Variants in RIC1 observed in about 807,000 individuals in gnomAD.
RIC1 encodes the protein guanine nucleotide exchange factor subunit RIC1.
In RIC1, 88 loss-of-function variants were observed where a neutral mutation model predicts 169.0. The observed-to-expected ratio is 0.52, with a 90% CI of 0.44 to 0.62. The LOEUF (loss-of-function observed/expected upper bound fraction) is 0.62. Ranked by LOEUF, RIC1 falls within the 20% of genes least tolerant of loss-of-function variation. The pLI is 0.00. For missense variants in RIC1, 1,877 were observed against 1,725.5 expected (o/e 1.09, Z -1.56); for synonymous variants, 790 against 601.5 (o/e 1.31, Z -4.59).
Position 5,720,269 on chromosome 9 carries a change from G to A in RIC1, c.528G>A (p.Arg176=). The change falls in exon 5 of 26, where the codon AGG becomes AGA. Residue 176 remains arginine, a synonymous_variant. Coordinates refer to ENST00000414202, the MANE Select transcript of RIC1 (RefSeq NM_020829.4). ...ACTGGGAAGGAATGACAAATGGAAGGAAAGCCATTAATCTTTGCACAGTAC... is the reference window on the plus strand; with the variant it reads ...ACTGGGAAGGAATGACAAATGGAAGAAAAGCCATTAATCTTTGCACAGTAC... ...LIHWEGMTNG[R]KAINLCTVPF... 2 of 1,613,696 alleles carry A rather than the reference G, an allele frequency of 1.2e-6. No homozygotes were observed. Among genetic ancestry groups the A allele is most frequent in the Non-Finnish European group, 1.7e-6 (2 of 1,179,652 alleles).
At chr9:5,749,102 C>G (rs1441739286) in intron 12 of RIC1, among the ~76,000 whole-genome samples, 1 of 152,126 alleles carries the variant, frequency 6.6e-6, no homozygotes, top group East Asian at 1.9e-4. Flanking sequence ...AACTGAGGAT[C>G]AGAGAAGTTA....
At chr9:5,739,059 C>A (rs113499221) in intron 8 of RIC1, among the ~76,000 whole-genome samples, 25 of 152,220 alleles carry the variant, frequency 1.6e-4, no homozygotes, top group African/African-American at 6.0e-4. Context: ...TTATAGGGTT[C>A]TTCAAAGATG....
At chr9:5,681,781 T>C (rs555619745) in intron 2 of RIC1, among the ~76,000 whole-genome samples, 1 of 152,268 alleles carries the variant, frequency 6.6e-6, no homozygotes, top group African/African-American at 2.4e-5. Context: ...GGAGTCTAAG[T>C]CTCTTTGTAG....
At position 5,673,890 on chromosome 9, in the gene RIC1, A is replaced by G. The variant is rs149419712; in HGVS notation, c.253-16069A>G. ...CAGAAGAATGTTAAGTTTATACAAC[A>G]TTTGTGATAAAATAATGTCATAAAA... On this transcript the variant is annotated intron_variant, in intron 2 of 25. Transcript: ENST00000414202. Among the ~76,000 whole-genome samples the G allele has an allele frequency of 2.7e-3, 417 of 152,284 alleles. 1 individual carries two copies. Among genetic ancestry groups the G allele is most frequent in the Non-Finnish European group, 4.6e-3 (315 of 67,988 alleles).
chr9:5,646,554 T>C (rs906402387), intron 1 of RIC1, among the ~76,000 whole-genome samples: 3 of 152,216 alleles, frequency 2.0e-5, no homozygotes, highest in Non-Finnish European at 2.9e-5. Flanking sequence ...GTATTCAGTA[T>C]AGTAATATGC....
chr9:5,707,769 A>C (rs141943343), intron 3 of RIC1, among the ~76,000 whole-genome samples: 1 of 152,202 alleles, frequency 6.6e-6, no homozygotes, highest in African/African-American at 2.4e-5. Flanking sequence ...CTTGGATCTA[A>C]AGTAATTTTC....
chr9:5,637,439 A>C (rs1818024305), intron 1 of RIC1, among the ~76,000 whole-genome samples: 1 of 152,204 alleles, frequency 6.6e-6, no homozygotes, highest in Non-Finnish European at 1.5e-5. Context: ...TCATCCCCTC[A>C]AGCATTTAAC....
chr9:5,766,021 G>C (rs1226864456), intron 21 of RIC1, among the ~76,000 whole-genome samples: 1 of 152,040 alleles, frequency 6.6e-6, no homozygotes, highest in Non-Finnish European at 1.5e-5. Context: ...TTCTGGAATA[G>C]ATCTTCATGT....
At chr9:5,771,713 G>A (rs1303488567) in intron 23 of RIC1, among the ~76,000 whole-genome samples, 2 of 152,052 alleles carry the variant, frequency 1.3e-5, no homozygotes, top group East Asian at 1.9e-4. Flanking sequence ...ATCCTAATGG[G>A]TGTGAGATGG....
intron 21 of RIC1, among the ~76,000 whole-genome samples, chr9:5,768,737 CCT>C: frequency 6.6e-6 from 1 of 152,296 alleles, no homozygotes; most frequent in South Asian, 2.1e-4. Flanking sequence ...CTTCTGTCCC[CCT>C]TTTCCTGTTC....
intron 1 of RIC1, 25 bp from the exon 2 acceptor site, chr9:5,656,558 C>A: frequency 2.1e-6 from 2 of 958,168 alleles, no homozygotes; most frequent in Non-Finnish European, 3.0e-6. Flanking sequence ...AAAAATACAA[C>A]TTTTTTTTTT....
At chr9:5,737,881 A>G (rs761943939) in intron 7 of RIC1, among the ~76,000 whole-genome samples, 7 of 152,024 alleles carry the variant, frequency 4.6e-5, no homozygotes, top group Non-Finnish European at 8.8e-5. Context: ...TGTACTTACT[A>G]TTGATTAAGT....
chr9:5,638,887 A>G (rs1818101834), intron 1 of RIC1, among the ~76,000 whole-genome samples: 1 of 151,932 alleles, frequency 6.6e-6, no homozygotes, highest in Non-Finnish European at 1.5e-5. Flanking sequence ...TTGTTGTTTA[A>G]GAGGCATCAT....
intron 11 of RIC1, among the ~76,000 whole-genome samples, chr9:5,746,785 T>C (rs1161732935): frequency 6.6e-6 from 1 of 152,176 alleles, no homozygotes; most frequent in Non-Finnish European, 1.5e-5. Context: ...TCAATGGCTT[T>C]TTAATGGATA....
At chr9:5,778,022 T>C (rs1827676935), downstream of RIC1, among the ~76,000 whole-genome samples, 1 of 152,182 alleles carries the variant, frequency 6.6e-6, no homozygotes, top group South Asian at 2.1e-4. Flanking sequence ...TTCATAAGCG[T>C]TGTATTCATG....
At chr9:5,649,947 A>G (rs916086794) in intron 1 of RIC1, among the ~76,000 whole-genome samples, 9 of 152,062 alleles carry the variant, frequency 5.9e-5, no homozygotes, top group Non-Finnish European at 1.3e-4. Context: ...TTTTAGCCAT[A>G]TATAGCATTA....
intron 1 of RIC1, among the ~76,000 whole-genome samples, chr9:5,633,917 C>G (rs2130239698): frequency 1.3e-5 from 2 of 152,308 alleles, no homozygotes; most frequent in Admixed American, 1.3e-4. Flanking sequence ...CTCCCAGCCC[C>G]TGGTAATCAT....
chr9:5,730,620 G>A (rs1042633289), intron 6 of RIC1, among the ~76,000 whole-genome samples: 2 of 152,124 alleles, frequency 1.3e-5, no homozygotes. Flanking sequence ...TTGTAGGGGT[G>A]TGAGGATACA....
At chr9:5,703,082 C>T (rs1822336311) in intron 3 of RIC1, among the ~76,000 whole-genome samples, 1 of 152,214 alleles carries the variant, frequency 6.6e-6, no homozygotes, top group Admixed American at 6.5e-5. Context: ...ATCATGCCTT[C>T]ACAAGAGTCC....
Sources: gnomAD v4.1 joint callset for allele counts (sites outside exome capture counted in the v4.1 genomes callset) on GRCh38, gnomAD v4.1.1 for gene constraint, MANE v1.5 for transcripts, NCBI Gene and HGNC (gene_info 2026-07-23, HGNC 2026-07-21) for gene names.